The following PPIP5K2 variants were observed in gnomAD, a reference collection of about 807,000 sequenced individuals.
PPIP5K2 encodes inositol hexakisphosphate and diphosphoinositol-pentakisphosphate kinase 2.
PPIP5K2 carries 105 observed loss-of-function variants against 154.6 expected under a neutral mutation model. The observed-to-expected ratio is 0.68, with a 90% CI of 0.58 to 0.80. The LOEUF is 0.80. Ranked by LOEUF, PPIP5K2 falls within the 30% of genes least tolerant of loss-of-function variation. The pLI is 0.00. For missense variants in PPIP5K2, 992 were observed against 1,504.6 expected (o/e 0.66, Z 5.64); for synonymous variants, 480 against 490.3 (o/e 0.98, Z 0.28).
chr5:103,122,567 C>G (rs782134660), intron 1 of PPIP5K2, among the ~76,000 whole-genome samples: 1 of 152,116 alleles, frequency 6.6e-6, no homozygotes, highest in Non-Finnish European at 1.5e-5. Context: ...GCCAGGTTGC[C>G]TTTGCCAGCC....
intron 17 of PPIP5K2, among the ~76,000 whole-genome samples, chr5:103,162,568 G>T (rs778491210): frequency 5.9e-5 from 9 of 151,872 alleles, no homozygotes; most frequent in Admixed American, 1.3e-4. Context: ...TCACTGTGTT[G>T]CCCAGGCTAG....
chr5:103,165,556 C>T (rs1426287900), intron 17 of PPIP5K2, among the ~76,000 whole-genome samples: 2 of 152,022 alleles, frequency 1.3e-5, no homozygotes, highest in African/African-American at 4.8e-5. Context: ...AAGAGAGCCC[C>T]TGCGAGGGGC....
In PPIP5K2 at chr5:103,202,739, AT is replaced by A. The variant is rs1369540222; in HGVS notation, c.*1106del. On this transcript the variant is annotated 3_prime_UTR_variant, in exon 31 of 31. Coordinates refer to ENST00000358359, the MANE Select transcript of PPIP5K2 (RefSeq NM_001276277.3). ...TGCTTTCCCCCCCACCAATGCACAA[AT>A]AATTGTGAACAGCTTGAAATGACTT... 34 of 152,256 alleles carry A rather than the reference AT, an allele frequency of 2.2e-4. No individual in the cohort carries two copies. Among genetic ancestry groups the A allele is most frequent in the African/African-American group, 8.2e-4 (34 of 41,558 alleles). The allele number at this position is 152,256 out of a possible 1,614,324, so 9.4% of individuals were successfully genotyped here.
At chr5:103,191,397 G>T (rs1193993029) in intron 29 of PPIP5K2, among the ~76,000 whole-genome samples, 1 of 152,036 alleles carries the variant, frequency 6.6e-6, no homozygotes, top group Admixed American at 6.6e-5. Context: ...TAAGTAGTTA[G>T]AAAGAGCTTT....
intron 14 of PPIP5K2, among the ~76,000 whole-genome samples, chr5:103,157,436 C>G (rs1795580270): frequency 6.6e-6 from 1 of 152,142 alleles, no homozygotes; most frequent in Non-Finnish European, 1.5e-5. Flanking sequence ...GCTCTGTCAT[C>G]TCACATCTTC....
At chr5:103,145,253 T>A (rs1206537686) in intron 5 of PPIP5K2, among the ~76,000 whole-genome samples, 1 of 151,896 alleles carries the variant, frequency 6.6e-6, no homozygotes, top group Non-Finnish European at 1.5e-5. Flanking sequence ...AGACAAGCAA[T>A]AAGAAATGTT....
chr5:103,160,127 A>G (rs1795993773), intron 17 of PPIP5K2, among the ~76,000 whole-genome samples: 2 of 152,130 alleles, frequency 1.3e-5, no homozygotes, highest in Admixed American at 1.3e-4. Context: ...AGATGATGAT[A>G]CTTCATCTTG....
chr5:103,179,892 T>C (rs1211489448), intron 23 of PPIP5K2, 129 bp from the exon 24 acceptor site: 2 of 700,674 alleles, frequency 2.9e-6, no homozygotes, highest in Non-Finnish European at 2.1e-6. Context: ...TCAATTAATG[T>C]TAATTCATCT....
chr5:103,138,249 AAAAAAT>A (rs1449165082), intron 4 of PPIP5K2, 129 bp from the exon 5 acceptor site: 1 of 411,270 alleles, frequency 2.4e-6, no homozygotes, highest in African/African-American at 2.1e-5. Flanking sequence ...TTGTTTATTT[AAAAAAT>A]AAAAAGTGTT....
In PPIP5K2 at chr5:103,209,119, A is replaced by G. The variant is rs1333450137; in HGVS notation, c.*7485A>G. On this transcript the variant is annotated 3_prime_UTR_variant, in exon 31 of 31. Transcript: ENST00000358359. ...AATCAAATGAAATAATATTTGGTAA[A>G]CTATAAAGTGAAGACCAAATTTGAA... 6.6e-6 allele frequency: 1 copy of G among 152,186 alleles called. No homozygotes were observed. The highest frequency in any genetic ancestry group is 2.4e-5 in the African/African-American group (1 of 41,448). The allele number at this position is 152,186 out of a possible 1,614,324, so 9.4% of individuals were successfully genotyped here.
chr5:103,178,497 A>C (rs1554221706), intron 23 of PPIP5K2, among the ~76,000 whole-genome samples: 1 of 151,796 alleles, frequency 6.6e-6, no homozygotes, highest in Non-Finnish European at 1.5e-5. Context: ...TTATAGCTTT[A>C]TAATAAATAT....
chr5:103,152,611 C>T (rs782682533), intron 9 of PPIP5K2, 37 bp from the exon 10 acceptor site: 25 of 1,345,534 alleles, frequency 1.9e-5, no homozygotes, highest in Middle Eastern at 1.8e-4. Context: ...TGTCTTAAAA[C>T]GTACTAATTT....
rs1477771441 is a variant in PPIP5K2, at chr5:103,208,899, A to C, written c.*7265A>C. The C allele has an allele frequency of 6.6e-6, 1 of 152,054 alleles. No homozygotes were observed. The highest frequency in any genetic ancestry group is 2.4e-5 in the African/African-American group (1 of 41,414). The allele number at this position is 152,054 out of a possible 1,614,324, so 9.4% of individuals were successfully genotyped here. ...ATGTTTCTCTTCATATTTGATGATA[A>C]TTTTTTAAATTAAGACCTAATTTCT... On this transcript the variant is annotated 3_prime_UTR_variant, in exon 31 of 31. Coordinates refer to ENST00000358359, the MANE Select transcript of PPIP5K2 (RefSeq NM_001276277.3).
chr5:103,153,131 A>G (rs1411738733), intron 10 of PPIP5K2, among the ~76,000 whole-genome samples: 5 of 151,870 alleles, frequency 3.3e-5, no homozygotes, highest in African/African-American at 4.8e-5. Flanking sequence ...CTTTAAATTC[A>G]TGTCAGTTGA....
chr5:103,124,712 A>C (rs1411568563), intron 1 of PPIP5K2, among the ~76,000 whole-genome samples: 1 of 152,240 alleles, frequency 6.6e-6, no homozygotes, highest in Non-Finnish European at 1.5e-5. Context: ...GTATTTGTAC[A>C]GTATCCTGGG....
chr5:103,158,029 G>A (rs901690947), intron 14 of PPIP5K2, among the ~76,000 whole-genome samples, 159 bp from the exon 15 acceptor site: 14 of 152,084 alleles, frequency 9.2e-5, no homozygotes, highest in Non-Finnish European at 1.9e-4. Context: ...GCCTACAAAC[G>A]GCATTAAGGA....
At chr5:103,140,234 A>G (rs1399322971) in intron 5 of PPIP5K2, among the ~76,000 whole-genome samples, 2 of 152,196 alleles carry the variant, frequency 1.3e-5, no homozygotes, top group African/African-American at 4.8e-5. Context: ...AGATCATGGT[A>G]GAAAGTTTAT....
rs151187625 is a variant in PPIP5K2 at position 103,177,271 on chromosome 5, T to G, written c.2530-396T>G. 2.3e-4 allele frequency among the ~76,000 whole-genome samples: 35 copies of G among 151,316 alleles called. No homozygotes were observed. In the East Asian group the frequency reaches 6.2e-3, roughly 27 times the overall value. ...GAAGTGCTTGAGACCAGAAGTTTTT[T>G]GGAATTTGGAATTGTTTTTGTATTT... On this transcript the variant is annotated intron_variant, in intron 21 of 30. Transcript: ENST00000358359.
At chr5:103,143,059 G>A (rs542165780) in intron 5 of PPIP5K2, among the ~76,000 whole-genome samples, 1 of 152,218 alleles carries the variant, frequency 6.6e-6, no homozygotes, top group African/African-American at 2.4e-5. Flanking sequence ...TATTTTCTTT[G>A]TAATCAGAGT....
Sources: gnomAD v4.1 joint callset for allele counts (sites outside exome capture counted in the v4.1 genomes callset) on GRCh38, gnomAD v4.1.1 for gene constraint, MANE v1.5 for transcripts, NCBI Gene and HGNC (gene_info 2026-07-23, HGNC 2026-07-21) for gene names.